The following ARID1B variants were observed in gnomAD, a reference collection of about 807,000 sequenced individuals.
ARID1B encodes the protein AT-rich interaction domain 1B, also known as AT-rich interactive domain-containing protein 1B.
ARID1B carries 30 observed loss-of-function variants against 212.3 expected under a neutral mutation model. That is an observed-to-expected ratio of 0.14 (90% CI 0.11 to 0.19). The LOEUF (loss-of-function observed/expected upper bound fraction) is 0.19, where lower values mean the gene tolerates loss of function less well. ARID1B is among the 10% of genes least tolerant of loss of function. The pLI is 1.00. For missense variants in ARID1B, 2,891 were observed against 3,204.0 expected (o/e 0.90, Z 2.36); for synonymous variants, 1,402 against 1,301.7 (o/e 1.08, Z -1.66).
intron 1 of ARID1B, among the ~76,000 whole-genome samples, chr6:156,794,203 ACTT>A (rs924579930): frequency 1.3e-5 from 2 of 151,508 alleles, no homozygotes; most frequent in African/African-American, 4.9e-5. Flanking sequence ...AAAAAAAAAG[ACTT>A]CTTTTTTGTT....
At chr6:157,042,365 G>T (rs556081346) in intron 4 of ARID1B, among the ~76,000 whole-genome samples, 3 of 152,274 alleles carry the variant, frequency 2.0e-5, no homozygotes, top group Non-Finnish European at 2.9e-5. Context: ...GTATTCATTT[G>T]CTATACCTGT....
At chr6:156,824,647 C>T (rs911620532) in intron 1 of ARID1B, among the ~76,000 whole-genome samples, 2 of 152,002 alleles carry the variant, frequency 1.3e-5, no homozygotes, top group South Asian at 2.1e-4. Flanking sequence ...TGCCTGTAAT[C>T]CCAGCTACTT....
At chr6:157,091,723 C>G (rs1785295247) in intron 5 of ARID1B, among the ~76,000 whole-genome samples, 1 of 152,162 alleles carries the variant, frequency 6.6e-6, no homozygotes, top group South Asian at 2.1e-4. Flanking sequence ...AGGGCTCAAG[C>G]CCATCCTAAG....
chr6:157,207,899 G>A lies in ARID1B; in HGVS notation c.*8G>A, dbSNP rs1562355537. On this transcript the variant is annotated 3_prime_UTR_variant, in exon 20 of 20. Coordinates refer to ENST00000636930, the MANE Select transcript of ARID1B (RefSeq NM_001374828.1). This position sits in a 1 kb window ranked among gnomAD's most constrained non-coding sequence, Gnocchi z 8.5. ...CAGATTGGGCAGTTATGACATAAGTGAGAAGGCAAGCATGTGTGAGTGAAG... is the reference window on the plus strand; with the variant it reads ...CAGATTGGGCAGTTATGACATAAGTAAGAAGGCAAGCATGTGTGAGTGAAG... The A allele has an allele frequency of 1.4e-6, 2 of 1,480,576 alleles. No homozygotes were observed. The highest frequency in any genetic ancestry group is 1.4e-5 in the African/African-American group (1 of 71,416). 91.7% of individuals were successfully genotyped at this position (1,480,576 alleles called of 1,614,324 possible).
At chr6:157,175,125 A>G (rs1562324084) in intron 11 of ARID1B, 120 bp downstream of exon 11, 19 of 892,056 alleles carry the variant, frequency 2.1e-5, no homozygotes, top group Non-Finnish European at 2.9e-5. Context: ...CTTTTTCTTC[A>G]TTATTTATCC....
Position 157,200,939 on chromosome 6 carries a change from G to C in ARID1B, c.4714G>C (p.Gly1572Arg), listed in dbSNP as rs141461351. Residue 1572 changes from glycine to arginine, a missense_variant, in exon 18 of 20, where the codon GGC (glycine) becomes CGC (arginine). Around this residue, in one of 7 missense-constraint regions of ARID1B, gnomAD observed 666 missense variants for 873.5 expected, o/e 0.76. Coordinates refer to ENST00000636930, the MANE Select transcript of ARID1B (RefSeq NM_001374828.1). This position sits in a 1 kb window ranked among gnomAD's most constrained non-coding sequence, Gnocchi z 4.3. ...QTHGIPPQMM[G>R]GPLQSSSSEG... ...ACACGGAATCCCGCCTCAGATGATG[G>C]GCGGCCCGCTGCAGTCGTCCTCCAG... is the stretch of plus-strand genomic sequence containing the variant. 1 of 1,613,936 alleles carries C rather than the reference G, an allele frequency of 6.2e-7. No homozygotes were observed. The highest frequency in any genetic ancestry group is 8.5e-7 in the Non-Finnish European group (1 of 1,179,960).
At chr6:157,131,865 A>G (rs1008824509) in intron 6 of ARID1B, among the ~76,000 whole-genome samples, 2 of 151,834 alleles carry the variant, frequency 1.3e-5, no homozygotes, top group African/African-American at 4.8e-5. Flanking sequence ...TAATTTTTGT[A>G]TTTTTAGTAG....
intron 4 of ARID1B, among the ~76,000 whole-genome samples, chr6:157,043,411 T>G (rs1190324413): frequency 2.0e-5 from 3 of 152,230 alleles, no homozygotes; most frequent in African/African-American, 7.2e-5. Flanking sequence ...TAGGACTCAT[T>G]TGGAATTTCT....
At chr6:157,039,670 C>CTTCCTTCTTTCTTTCTTTCT (rs1554287197) in intron 4 of ARID1B, among the ~76,000 whole-genome samples, 21 of 55,292 alleles carry the variant, frequency 3.8e-4, no homozygotes, top group Admixed American at 1.4e-3. Flanking sequence ...TCCTTCCTTC[C>CTTCCTTCTTTCTTTCTTTCT]TTCCTTCCTT....
At chr6:156,827,795 T>C (rs1331452606) in intron 1 of ARID1B, among the ~76,000 whole-genome samples, 1 of 135,328 alleles carries the variant, frequency 7.4e-6, no homozygotes, top group Non-Finnish European at 1.6e-5. Flanking sequence ...AGATGGAGTC[T>C]AGCTCTGTCT....
rs1554237925 is a variant in ARID1B, at chr6:157,207,276, C to T, written c.6504C>T (p.Cys2168=). 6.2e-7 allele frequency: 1 copy of T among 1,614,134 alleles called. No homozygotes were observed. Among genetic ancestry groups the T allele is most frequent in the Non-Finnish European group, 8.5e-7 (1 of 1,179,998 alleles). The change falls in exon 20 of 20, where the codon TGC becomes TGT. Residue 2168 remains cysteine, a synonymous_variant. Coordinates refer to ENST00000636930, the MANE Select transcript of ARID1B (RefSeq NM_001374828.1). The surrounding 1 kb of genome is among the most constrained non-coding windows in gnomAD (Gnocchi z 8.5). ...TGTCTGCTTACACGGAAAGCATCTG[C>T]TTGCCAATTTTGGATGGCTTGCTGC... is the stretch of plus-strand genomic sequence containing the variant. The part of the protein sequence containing the change: ...LDLSAYTESI[C]LPILDGLLHW...
At chr6:157,166,410 C>T (rs1583437460) in intron 8 of ARID1B, 1 of 152,190 alleles carries the variant, frequency 6.6e-6, no homozygotes, top group Admixed American at 6.5e-5. Context: ...ATCTAAGTGC[C>T]CATCCTCCTC....
In ARID1B at chr6:156,778,935, G is replaced by A. The variant is rs1296610881; in HGVS notation, c.1255G>A (p.Ala419Thr). 78 of 1,310,554 alleles carry A rather than the reference G, an allele frequency of 6.0e-5. No homozygotes were observed. In the South Asian group the frequency reaches 6.0e-4, roughly 10 times the overall value. 81.2% of individuals were successfully genotyped at this position (1,310,554 alleles called of 1,614,324 possible). The change falls in exon 1 of 20, where the codon GCG becomes ACG. Residue 419 changes from alanine to threonine, a missense_variant. By Grantham distance (58) the Ala-to-Thr change is moderately conservative (BLOSUM62 0). Transcript: ENST00000636930. ...AGGAGCAGGAGCAGGAGGAGCAGGA[G>A]CGGGAGCTGTGGCGGCGGCGGCCGC... ...GGGAGAGGAGAGAVAAAAAAA... is the reference protein window; with the variant it reads ...GGGAGAGGAGTGAVAAAAAAA...
chr6:157,196,138 G>A (rs2128355707), intron 15 of ARID1B, 27 bp from the exon 16 acceptor site: 1 of 1,610,202 alleles, frequency 6.2e-7, no homozygotes, highest in Non-Finnish European at 8.5e-7. Context: ...ATGCCTAAAT[G>A]TATGCATTTT....
At chr6:157,107,419 G>T (rs987661904) in intron 5 of ARID1B, among the ~76,000 whole-genome samples, 1 of 152,040 alleles carries the variant, frequency 6.6e-6, no homozygotes, top group African/African-American at 2.4e-5. Context: ...GGAACTCCTT[G>T]CACTATTTTT....
chr6:157,085,629 C>A (rs1036649309), intron 5 of ARID1B, among the ~76,000 whole-genome samples: 1 of 152,072 alleles, frequency 6.6e-6, no homozygotes, highest in East Asian at 1.9e-4. Flanking sequence ...ATCACCAAAC[C>A]AGATAATTCA....
intron 4 of ARID1B, among the ~76,000 whole-genome samples, chr6:157,076,085 G>C (rs1356020027): frequency 1.3e-5 from 2 of 152,158 alleles, no homozygotes; most frequent in East Asian, 3.9e-4. Flanking sequence ...CCGGATGAAG[G>C]ATGTAAAGGA....
intron 4 of ARID1B, among the ~76,000 whole-genome samples, chr6:157,031,941 C>T (rs1377263031): frequency 6.6e-6 from 1 of 152,162 alleles, no homozygotes; most frequent in African/African-American, 2.4e-5. Context: ...GGACTACCGG[C>T]ATGCGCCACC....
intron 1 of ARID1B, among the ~76,000 whole-genome samples, chr6:156,826,974 A>G (rs1181558300): frequency 2.6e-5 from 4 of 152,174 alleles, no homozygotes; most frequent in East Asian, 3.9e-4. Context: ...TTCCTTTCAT[A>G]TATTCCTCCT....
Sources: allele counts gnomAD v4.1 joint callset (sites outside exome capture counted in the v4.1 genomes callset), GRCh38; gene constraint gnomAD v4.1.1; regional missense constraint gnomAD v4.1.1; non-coding constraint Gnocchi (gnomAD v3.1); transcripts MANE v1.5; gene names NCBI Gene and HGNC (gene_info 2026-07-23, HGNC 2026-07-21).